CDC42BPA: variants seen among roughly 807,000 people sequenced by gnomAD.
CDC42BPA encodes serine/threonine-protein kinase MRCK alpha.
Under a neutral mutation model 223.5 loss-of-function variants are expected in CDC42BPA, and 80 were observed. That is an observed-to-expected ratio of 0.36 (90% CI 0.30 to 0.43). The LOEUF (loss-of-function observed/expected upper bound fraction) is 0.43. CDC42BPA is among the 20% of genes least tolerant of loss of function. CDC42BPA has a pLI of 1.00. For missense variants in CDC42BPA, 1,743 were observed against 2,099.9 expected (o/e 0.83, Z 3.32); for synonymous variants, 694 against 718.6 (o/e 0.97, Z 0.55).
At position 226,992,943 on chromosome 1, in the gene CDC42BPA, C is replaced by T. The variant is rs1461702616; in HGVS notation, c.*1325G>A. The T allele has an allele frequency of 6.6e-6, 1 of 152,270 alleles. No individual in the cohort carries two copies. Among genetic ancestry groups the T allele is most frequent in the African/African-American group, 2.4e-5 (1 of 41,466 alleles). 9.4% of individuals were successfully genotyped at this position (152,270 alleles called of 1,614,324 possible). On this transcript the variant is annotated 3_prime_UTR_variant, in exon 37 of 37. Transcript: ENST00000366766. ...CTGGGCTCACTCACTCTGGCCTGCG[C>T]ACTGGGGTTGTCACATCCATTTTCC...
At chr1:227,282,211 AAAG>A (rs1688134519) in intron 1 of CDC42BPA, among the ~76,000 whole-genome samples, 1 of 151,868 alleles carries the variant, frequency 6.6e-6, no homozygotes, top group Non-Finnish European at 1.5e-5. Context: ...AAAAAAGGGA[AAAG>A]AAAAATTTTA....
At chr1:227,084,725 A>G (rs1469178752) in intron 16 of CDC42BPA, among the ~76,000 whole-genome samples, 1 of 152,026 alleles carries the variant, frequency 6.6e-6, no homozygotes. Context: ...TTGCTCCTAG[A>G]GGATCTATTT....
At chr1:227,102,793 T>TA (rs1168727930) in intron 14 of CDC42BPA, among the ~76,000 whole-genome samples, 2 of 149,552 alleles carry the variant, frequency 1.3e-5, no homozygotes, top group South Asian at 4.2e-4. Context: ...AACTTATTAA[T>TA]AAATGTGTCA....
chr1:227,090,833 G>C (rs1682940631), intron 16 of CDC42BPA, among the ~76,000 whole-genome samples: 1 of 151,952 alleles, frequency 6.6e-6, no homozygotes, highest in Non-Finnish European at 1.5e-5. Flanking sequence ...ATAAACTTCT[G>C]GTTAATATTA....
chr1:227,001,395 T>C (rs557485466), intron 35 of CDC42BPA, among the ~76,000 whole-genome samples: 24 of 152,328 alleles, frequency 1.6e-4, no homozygotes, highest in Admixed American at 4.6e-4. Context: ...GTTAAGGGCC[T>C]TGACAAGAAC....
At chr1:227,090,371 G>A (rs970349169) in intron 16 of CDC42BPA, among the ~76,000 whole-genome samples, 1 of 152,042 alleles carries the variant, frequency 6.6e-6, no homozygotes, top group African/African-American at 2.4e-5. Context: ...TACAAGTCAA[G>A]GTCTTTCAGT....
intron 14 of CDC42BPA, among the ~76,000 whole-genome samples, chr1:227,104,172 A>G (rs1436287467): frequency 2.0e-5 from 3 of 152,150 alleles, no homozygotes; most frequent in African/African-American, 7.2e-5. Flanking sequence ...AAACCAAGAA[A>G]TAAAGAGGTA....
chr1:227,300,339 C>T lies in CDC42BPA; in HGVS notation c.178+16666G>A, dbSNP rs546513908. Among the ~76,000 whole-genome samples the T allele has an allele frequency of 2.6e-5, 4 of 152,228 alleles. No homozygotes were observed. In the South Asian group the frequency reaches 8.3e-4, roughly 32 times the overall value. ...GGTATCTACTCAAAGGAAAATAAGTCATTACATCAAAAACACACCTGCACA... is the reference window on the plus strand; with the variant it reads ...GGTATCTACTCAAAGGAAAATAAGTTATTACATCAAAAACACACCTGCACA... On this transcript the variant is annotated intron_variant, in intron 1 of 36. Coordinates refer to ENST00000366766, the MANE Select transcript of CDC42BPA (RefSeq NM_001394014.1).
intron 1 of CDC42BPA, among the ~76,000 whole-genome samples, chr1:227,283,004 A>G (rs1307211177): frequency 2.0e-5 from 3 of 149,300 alleles, no homozygotes; most frequent in South Asian, 4.2e-4. Context: ...TATGTTATAT[A>G]TATTTTAACA....
chr1:227,149,125 A>G (rs750148484), intron 6 of CDC42BPA, among the ~76,000 whole-genome samples: 2 of 152,232 alleles, frequency 1.3e-5, no homozygotes, highest in South Asian at 2.1e-4. Context: ...AAAACGGTAC[A>G]TTATAAAAAT....
intron 1 of CDC42BPA, among the ~76,000 whole-genome samples, chr1:227,315,866 TGG>T (rs1694286930): frequency 6.7e-6 from 1 of 150,196 alleles, no homozygotes; most frequent in Non-Finnish European, 1.5e-5. Context: ...CTTCTTATAC[TGG>T]CAAATTGAAT....
At chr1:227,194,073 TAAG>T (rs1670253694) in intron 4 of CDC42BPA, 139 bp from the exon 5 acceptor site, 6 of 581,480 alleles carry the variant, frequency 1.0e-5, no homozygotes, top group Non-Finnish European at 1.7e-5. Flanking sequence ...AGAAACTGTG[TAAG>T]ATGATGATCA....
At chr1:227,147,725 C>A (rs896336048) in intron 6 of CDC42BPA, among the ~76,000 whole-genome samples, 166 bp from the exon 7 acceptor site, 3 of 152,086 alleles carry the variant, frequency 2.0e-5, no homozygotes, top group Non-Finnish European at 2.9e-5. Context: ...ATTATCCCCA[C>A]ATTAATAGTT....
chr1:227,101,347 C>A, intron 14 of CDC42BPA, 108 bp from the exon 15 acceptor site: 1 of 610,474 alleles, frequency 1.6e-6, no homozygotes, highest in East Asian at 3.0e-5. Context: ...ATTTTTTGTA[C>A]ATCCTAACAA....
At chr1:227,063,406 T>C (rs1018113709) in intron 21 of CDC42BPA, among the ~76,000 whole-genome samples, 1 of 152,116 alleles carries the variant, frequency 6.6e-6, no homozygotes, top group African/African-American at 2.4e-5. Context: ...ATAATTTGGC[T>C]AATAGTTTTT....
intron 1 of CDC42BPA, among the ~76,000 whole-genome samples, chr1:227,288,220 T>C (rs777518465): frequency 1.3e-5 from 2 of 151,886 alleles, no homozygotes; most frequent in Non-Finnish European, 2.9e-5. Flanking sequence ...CCTCAGCTGA[T>C]TACATTTTAT....
At chr1:227,228,355 C>T (rs1285833273) in intron 2 of CDC42BPA, among the ~76,000 whole-genome samples, 3 of 152,186 alleles carry the variant, frequency 2.0e-5, no homozygotes, top group Middle Eastern at 3.2e-3. Context: ...TGTATCAGTA[C>T]TTCTTCATTC....
In CDC42BPA at chr1:226,993,648, C is replaced by T. The variant is rs1438710911; in HGVS notation, c.*620G>A. ...CATATTTCTTTAAATTAAATCATCT[C>T]TCTTATATATGCATCCATCTTTTGT... On this transcript the variant is annotated 3_prime_UTR_variant, in exon 37 of 37. Transcript: ENST00000366766. 1.3e-5 allele frequency: 2 copies of T among 152,680 alleles called. No homozygotes were observed. The highest frequency in any genetic ancestry group is 2.9e-5 in the Non-Finnish European group (2 of 68,080). The allele number at this position is 152,680 out of a possible 1,614,324, so 9.5% of individuals were successfully genotyped here.
chr1:227,013,107 A>G (rs1446209594), intron 34 of CDC42BPA, among the ~76,000 whole-genome samples: 1 of 152,180 alleles, frequency 6.6e-6, no homozygotes. Context: ...GGTTTCAAAA[A>G]TTTACACCAA....
Sources: gnomAD v4.1 joint callset for allele counts (sites outside exome capture counted in the v4.1 genomes callset) on GRCh38, gnomAD v4.1.1 for gene constraint, MANE v1.5 for transcripts, NCBI Gene and HGNC (gene_info 2026-07-23, HGNC 2026-07-21) for gene names.